The following MYH3 variants were observed in gnomAD, a reference collection of about 807,000 sequenced individuals.
MYH3 encodes the protein myosin heavy chain 3, also known as myosin-3.
Under a neutral mutation model 238.0 loss-of-function variants are expected in MYH3, and 130 were observed. That is an observed-to-expected ratio of 0.55 (90% CI 0.47 to 0.63). The LOEUF (loss-of-function observed/expected upper bound fraction) is 0.63. MYH3 is among the 30% of genes least tolerant of loss of function. The pLI, the probability that MYH3 is intolerant of heterozygous loss-of-function variation, is 0.00. For synonymous variants in MYH3, 880 were observed against 924.1 expected (o/e 0.95, Z 0.86); for missense variants, 1,853 against 2,374.9 (o/e 0.78, Z 4.57).
chr17:10,632,827 T>G, intron 33 of MYH3, 43 bp from the exon 34 acceptor site: 1 of 1,595,406 alleles, frequency 6.3e-7, no homozygotes, highest in Non-Finnish European at 8.6e-7. Flanking sequence ...TGTGATGGTA[T>G]GGAGCCAGCT....
chr17:10,635,158 G>GT, intron 30 of MYH3, 135 bp from the exon 31 acceptor site: 1 of 1,306,004 alleles, frequency 7.7e-7, no homozygotes, highest in Non-Finnish European at 1.1e-6. Context: ...AGAATTTCCT[G>GT]TCTACTCAAA....
At chr17:10,652,261 G>T in intron 4 of MYH3, 159 bp downstream of exon 4, 1 of 933,076 alleles carries the variant, frequency 1.1e-6, no homozygotes, top group Non-Finnish European at 1.7e-6. Context: ...TCCACCTCTT[G>T]CTTTCTTGCC....
intron 40 of MYH3, 113 bp from the exon 41 acceptor site, chr17:10,628,792 T>C: frequency 1.7e-6 from 2 of 1,179,390 alleles, no homozygotes; most frequent in East Asian, 2.3e-5. Context: ...GGACACAGGA[T>C]ATTTTTTGGA....
intron 14 of MYH3, 67 bp from the exon 15 acceptor site, chr17:10,643,063 TC>T (rs2074288148): frequency 6.2e-7 from 1 of 1,613,060 alleles, no homozygotes; most frequent in South Asian, 1.1e-5. Context: ...CTGTCAACAT[TC>T]CTCCTCATTG....
intron 4 of MYH3, 188 bp downstream of exon 4, chr17:10,652,232 C>T: frequency 1.3e-6 from 1 of 747,632 alleles, no homozygotes; most frequent in Non-Finnish European, 2.2e-6. Flanking sequence ...TCCTTCCCAC[C>T]TTCCTTCTTC....
chr17:10,643,883 G>A (rs2074295809), intron 14 of MYH3, among the ~76,000 whole-genome samples: 1 of 152,240 alleles, frequency 6.6e-6, no homozygotes, highest in South Asian at 2.1e-4. Context: ...AACCCAGCCA[G>A]GTGCGGTGGC....
chr17:10,643,056 T>C lies in MYH3; in HGVS notation c.1411-60A>G, dbSNP rs1162806320. ...AGACTTCTTTCAGAATCAAAGACTG[T>C]CAACATTCCTCCTCATTGCCCCAGG... On this transcript the variant is annotated intron_variant, in intron 14 of 40. Transcript: ENST00000583535. 2.5e-6 allele frequency: 4 copies of C among 1,613,570 alleles called. No homozygotes were observed. In the African/African-American group the frequency reaches 5.3e-5, roughly 22 times the overall value.
chr17:10,657,051 G>C (rs1206295678), intron 1 of MYH3, among the ~76,000 whole-genome samples: 1 of 152,194 alleles, frequency 6.6e-6, no homozygotes, highest in Admixed American at 6.5e-5. Context: ...GTGTGGAGGA[G>C]AGAGAACCTG....
At chr17:10,661,679 C>T (rs190259503), upstream of MYH3, among the ~76,000 whole-genome samples, 4 of 152,292 alleles carry the variant, frequency 2.6e-5, no homozygotes, top group Admixed American at 6.5e-5. Flanking sequence ...CCACCGCCGC[C>T]GTTTGATGTT....
the MYH3 span, among the ~76,000 whole-genome samples, chr17:10,663,914 T>A: frequency 1.3e-5 from 2 of 151,682 alleles, no homozygotes; most frequent in Non-Finnish European, 2.9e-5. Context: ...AATACAAAAA[T>A]TAGCTGGATG....
the MYH3 span, among the ~76,000 whole-genome samples, chr17:10,671,073 T>G: frequency 6.6e-6 from 1 of 152,102 alleles, no homozygotes; most frequent in African/African-American, 2.4e-5. Context: ...TTTGTACTTT[T>G]AGTAGAGACG....
Position 10,641,103 on chromosome 17 carries a change from T to C in MYH3, c.2147A>G (p.Tyr716Cys), listed in dbSNP as rs1265575040. 3 of 1,609,928 alleles carry C rather than the reference T, an allele frequency of 1.9e-6. No homozygotes were observed. Among genetic ancestry groups the C allele is most frequent in the Non-Finnish European group, 2.5e-6 (3 of 1,177,022 alleles). ...TACACACCTTTGTTTAAAATCGCCA[T>C]AGAGAATCCTGTTTGGGAACCCTTT... The part of the protein sequence containing the change: ...CRKGFPNRIL[Y>C]GDFKQRYRVL... The change falls in exon 19 of 41, where the codon TAT (tyrosine) becomes TGT (cysteine). Residue 716 changes from tyrosine (Y) to cysteine (C), a missense_variant. This residue lies in a region of MYH3 where 678 missense variants were observed against 1,058.9 expected (regional missense o/e 0.64). Transcript: ENST00000583535.
rs534042930 is a variant in MYH3, at chr17:10,628,598, G to C, written c.*55C>G. On this transcript the variant is annotated 3_prime_UTR_variant, in exon 41 of 41. Transcript: ENST00000583535. Reference sequence around the variant, plus strand: ...ATGGACATTAAGTATCAATGGTCAGGAATCAAGAAAATATACATTTTGCAT... The same window carrying C: ...ATGGACATTAAGTATCAATGGTCAGCAATCAAGAAAATATACATTTTGCAT... 142 of 1,589,776 alleles carry C rather than the reference G, an allele frequency of 8.9e-5. 2 individuals carry two copies. The Admixed American group carries it at 2.4e-3, about 26-fold the overall frequency.
the MYH3 span, among the ~76,000 whole-genome samples, chr17:10,671,801 G>A: frequency 4.9e-4 from 75 of 151,880 alleles, no homozygotes; most frequent in African/African-American, 1.7e-3. Context: ...GGATGGTCTC[G>A]ATCTCCTGAC....
intron 24 of MYH3, 25 bp downstream of exon 24, chr17:10,639,273 C>T (rs766558694): frequency 4.3e-6 from 7 of 1,614,140 alleles, no homozygotes; most frequent in East Asian, 4.5e-5. Flanking sequence ...AGTTCTGGGA[C>T]TCCCGATGAG....
intron 2 of MYH3, among the ~76,000 whole-genome samples, chr17:10,655,337 AGGCTTGAACT>A (rs1271717671): frequency 6.6e-6 from 1 of 152,144 alleles, no homozygotes; most frequent in Non-Finnish European, 1.5e-5. Context: ...CAAGCATCTG[AGGCTTGAACT>A]GGCGATAAGG....
chr17:10,664,737 C>T, the MYH3 span, among the ~76,000 whole-genome samples: 1 of 152,132 alleles, frequency 6.6e-6, no homozygotes, highest in African/African-American at 2.4e-5. Context: ...TCGCAGGCTG[C>T]ATTGAACTCA....
chr17:10,634,740 G>T, intron 31 of MYH3, 100 bp downstream of exon 31: 1 of 1,449,384 alleles, frequency 6.9e-7, no homozygotes, highest in Non-Finnish European at 9.7e-7. Context: ...CACACTGCTG[G>T]TGAGGGCAGA....
At chr17:10,653,808 A>G (rs932565361) in intron 3 of MYH3, among the ~76,000 whole-genome samples, 2 of 152,170 alleles carry the variant, frequency 1.3e-5, no homozygotes, top group African/African-American at 4.8e-5. Context: ...CTGGCTGTCT[A>G]TGATGGTCTC....
Sources: allele counts gnomAD v4.1 joint callset (sites outside exome capture counted in the v4.1 genomes callset), GRCh38; gene constraint gnomAD v4.1.1; regional missense constraint gnomAD v4.1.1; transcripts MANE v1.5; gene names NCBI Gene and HGNC (gene_info 2026-07-23, HGNC 2026-07-21).